Variants in PLET1 observed in about 807,000 individuals in gnomAD.
PLET1 encodes the protein placenta-expressed transcript 1 protein.
Under a neutral mutation model 18.5 loss-of-function variants are expected in PLET1, and 20 were observed. The ratio of observed to expected loss-of-function variants is 1.08; its 90% CI spans 0.76 to 1.57. The LOEUF is 1.57. Ranked by LOEUF, PLET1 falls within the 40% of genes most tolerant of loss-of-function variation. The pLI is 0.00. For synonymous variants in PLET1, 93 were observed against 93.8 expected, an observed-to-expected ratio of 0.99 and a Z score of 0.05; for missense variants, 256 against 246.4, an observed-to-expected ratio of 1.04 and a Z score of -0.26.
intron 1 of PLET1, among the ~76,000 whole-genome samples, chr11:112,258,574 A>G (rs1404877340): frequency 6.6e-6 from 1 of 152,110 alleles, no homozygotes. Context: ...GTGAGCCACC[A>G]TGCTCAGTGA....
chr11:112,253,863 C>G (rs1187448076), intron 2 of PLET1, among the ~76,000 whole-genome samples: 3 of 152,144 alleles, frequency 2.0e-5, no homozygotes, highest in Non-Finnish European at 4.4e-5. Context: ...AGGGTCAGAC[C>G]GGCCCTTTCA....
chr11:112,254,644 T>TGA (rs1860195894), intron 2 of PLET1, among the ~76,000 whole-genome samples: 1 of 134,372 alleles, frequency 7.4e-6, no homozygotes. Flanking sequence ...GTGTGGTGTG[T>TGA]GGTGTGTGCT....
chr11:112,256,802 C>T (rs181138736), intron 1 of PLET1, among the ~76,000 whole-genome samples: 14 of 152,342 alleles, frequency 9.2e-5, no homozygotes, highest in East Asian at 3.9e-4. Flanking sequence ...TAGATCTGTG[C>T]GTCAGGTGCA....
chr11:112,256,849 C>T (rs559580510), intron 1 of PLET1, among the ~76,000 whole-genome samples: 1 of 152,236 alleles, frequency 6.6e-6, no homozygotes, highest in Non-Finnish European at 1.5e-5. Context: ...TGCAGATAGT[C>T]GTCAGTGTCA....
intron 3 of PLET1, among the ~76,000 whole-genome samples, chr11:112,249,963 T>TAAAAA (rs61227342): frequency 6.6e-5 from 7 of 105,496 alleles, no homozygotes; most frequent in Admixed American, 2.2e-4. Context: ...TCTCAAAAAT[T>TAAAAA]AAAAAAAAAA....
At chr11:112,254,673 T>G (rs1860196637) in intron 2 of PLET1, among the ~76,000 whole-genome samples, 1 of 138,746 alleles carries the variant, frequency 7.2e-6, no homozygotes. Context: ...GATGTGTATG[T>G]GGTATGTATG....
rs932618045 is a variant in PLET1, at chr11:112,255,400, TCA to T, written c.372_373del (p.Glu125SerfsTer105). On this transcript the variant is annotated frameshift_variant, in exon 2 of 4. Transcript: ENST00000338832. LOFTEE classifies it high-confidence loss of function. ...GCTAGGTTCTTACTGTATCTCCACT[TCA>T]GTTATGTTCTCAGGTTCAGGAGCTT... is the stretch of plus-strand genomic sequence containing the variant. The T allele has an allele frequency of 8.4e-6, 13 of 1,552,164 alleles. No individual in the cohort carries two copies. Among genetic ancestry groups the T allele is most frequent in the Non-Finnish European group, 1.1e-5 (13 of 1,147,060 alleles).
At chr11:112,250,799 C>T (rs528274800) in intron 3 of PLET1, among the ~76,000 whole-genome samples, 21 of 152,308 alleles carry the variant, frequency 1.4e-4, no homozygotes, top group African/African-American at 5.1e-4. Flanking sequence ...TCAAGACCCC[C>T]CTTTTCCAGT....
At chr11:112,260,028 A>T (rs1176479791) in intron 1 of PLET1, among the ~76,000 whole-genome samples, 1 of 152,114 alleles carries the variant, frequency 6.6e-6, no homozygotes, top group African/African-American at 2.4e-5. Flanking sequence ...ACAAAGTGAG[A>T]CTCTGTCTCC....
chr11:112,257,489 G>A (rs988732338), intron 1 of PLET1, among the ~76,000 whole-genome samples: 2 of 151,986 alleles, frequency 1.3e-5, no homozygotes, highest in African/African-American at 4.8e-5. Flanking sequence ...CCTCTGGGGG[G>A]TCCTAAGTAA....
Position 112,255,502 on chromosome 11 carries a change from G to C in PLET1, c.272C>G (p.Ala91Gly). The stretch of plus-strand genomic sequence containing the variant: ...GGAGTTGCTGTAGCAATTTTTATCC[G>C]CTCTTTGCCAGAGGCCCGCTGAGTC... ...NSDSAGLWQR[A>G]DKNCYSNSTY... The change falls in exon 2 of 4, where the codon GCG becomes GGG. Residue 91 changes from alanine (A) to glycine (G), a missense_variant. By Grantham distance (60) the Ala-to-Gly change is moderately conservative. Transcript: ENST00000338832. 1.3e-6 allele frequency: 2 copies of C among 1,551,842 alleles called. No homozygotes were observed. Among genetic ancestry groups the C allele is most frequent in the Admixed American group, 2.0e-5 (1 of 50,984 alleles).
chr11:112,254,966 GTGA>G (rs1860206894), intron 2 of PLET1, among the ~76,000 whole-genome samples: 1 of 34,916 alleles, frequency 2.9e-5, no homozygotes, highest in Non-Finnish European at 7.7e-5. Context: ...TGATATGTAT[GTGA>G]GTGTGGTGTG....
At chr11:112,255,077 GTGGTATGTGTGGTGTGT>G in intron 2 of PLET1, among the ~76,000 whole-genome samples, 1 of 17,826 alleles carries the variant, frequency 5.6e-5, no homozygotes, top group Non-Finnish European at 1.5e-4. Flanking sequence ...TGTGGTGTGT[GTGGTATGTGTGGTGTGT>G]GTGGTATGTA....
chr11:112,250,849 GA>G (rs1478691202), intron 3 of PLET1, among the ~76,000 whole-genome samples: 1 of 152,148 alleles, frequency 6.6e-6, no homozygotes, highest in Non-Finnish European at 1.5e-5. Context: ...TGGCCTTGAG[GA>G]AAAAACTACT....
rs1860214685 is a variant in PLET1 at position 112,255,385 on chromosome 11, T to TA, written c.386+2dup. On this transcript the variant is annotated splice_region_variant and intron_variant, in intron 2 of 3. Coordinates refer to ENST00000338832, the MANE Select transcript of PLET1 (RefSeq NM_001145024.1). ...CCCAAAGCAAAGCAAGCTAGGTTCT[T>TA]ACTGTATCTCCACTTCAGTTATGTT... 6.4e-7 allele frequency: 1 copy of TA among 1,552,026 alleles called. No homozygotes were observed. Among genetic ancestry groups the TA allele is most frequent in the Non-Finnish European group, 8.7e-7 (1 of 1,146,880 alleles).
chr11:112,253,317 C>G (rs1039207022), intron 2 of PLET1, among the ~76,000 whole-genome samples: 1 of 152,108 alleles, frequency 6.6e-6, no homozygotes, highest in African/African-American at 2.4e-5. Context: ...TGAGTAGGGA[C>G]CTCTTCCCAT....
intron 2 of PLET1, among the ~76,000 whole-genome samples, chr11:112,254,190 G>GGTGTGTGTGTGT (rs60070587): frequency 0.018 from 2,476 of 141,190 alleles, 64 homozygotes; most frequent in African/African-American, 0.06. Flanking sequence ...GAGCATAAGT[G>GGTGTGTGTGTGT]GTGTGTGTGT....
intron 1 of PLET1, among the ~76,000 whole-genome samples, chr11:112,257,957 A>G (rs570452184): frequency 6.6e-4 from 100 of 152,294 alleles, no homozygotes; most frequent in African/African-American, 2.3e-3. Context: ...GGCAATTTAC[A>G]TCTCCGTCGG....
chr11:112,252,034 T>TCACATTGTGTCTATGTGGTATTGAA (rs1264089412), intron 3 of PLET1, among the ~76,000 whole-genome samples: 1 of 152,236 alleles, frequency 6.6e-6, no homozygotes, highest in Non-Finnish European at 1.5e-5. Flanking sequence ...GAAGATGTTT[T>TCACATTGTGTCTATGTGGTATTGAA]CACATTGTGT....
Sources: allele counts gnomAD v4.1 joint callset (sites outside exome capture counted in the v4.1 genomes callset), GRCh38; gene constraint gnomAD v4.1.1; transcripts MANE v1.5; gene names NCBI Gene and HGNC (gene_info 2026-07-23, HGNC 2026-07-21).